RALGAPA2: variants seen among roughly 807,000 people sequenced by gnomAD.
The protein encoded by RALGAPA2 is ral GTPase-activating protein subunit alpha-2.
Under a neutral mutation model 230.4 loss-of-function variants are expected in RALGAPA2, and 139 were observed. That is an observed-to-expected ratio of 0.60 (90% confidence interval 0.53 to 0.69). The LOEUF is 0.69. Among genes scored for constraint, RALGAPA2 ranks in the 30% least tolerant of loss-of-function variants. RALGAPA2 has a pLI of 0.00. For missense variants in RALGAPA2, 2,163 were observed against 2,276.0 expected, an observed-to-expected ratio of 0.95 and a Z score of 1.01; for synonymous variants, 847 against 837.8, an observed-to-expected ratio of 1.01 and a Z score of -0.19.
chr20:20,559,480 C>T (rs2064188984), intron 23 of RALGAPA2, among the ~76,000 whole-genome samples: 1 of 152,170 alleles, frequency 6.6e-6, no homozygotes, highest in Non-Finnish European at 1.5e-5. Flanking sequence ...CGACACTACA[C>T]CTGTCCTGCC....
At chr20:20,476,542 A>G (rs1356625336) in intron 36 of RALGAPA2, among the ~76,000 whole-genome samples, 2 of 151,976 alleles carry the variant, frequency 1.3e-5, no homozygotes, top group Admixed American at 6.6e-5. Context: ...CATATCACAC[A>G]CAAAAATTGA....
chr20:20,699,332 A>G (rs994648476), intron 1 of RALGAPA2, among the ~76,000 whole-genome samples: 1 of 152,232 alleles, frequency 6.6e-6, no homozygotes, highest in Non-Finnish European at 1.5e-5. Context: ...AGACACAGAC[A>G]CATGTTGAGA....
At chr20:20,448,728 C>A (rs1430033135) in intron 37 of RALGAPA2, among the ~76,000 whole-genome samples, 2 of 151,848 alleles carry the variant, frequency 1.3e-5, no homozygotes, top group East Asian at 3.9e-4. Context: ...CTCAAAGTAA[C>A]AAATATATTT....
In RALGAPA2 at chr20:20,635,430, AG is replaced by A; in HGVS notation, c.992del (p.Pro331LeufsTer75). ...ATGGATGGCATACCTGGATGATTTT[AG>A]GCAATACATCAACTCCATTTTTAGT... ...QNTKNGVDVL[P>X]KIIQTVGGGA... is the part of the protein sequence containing the mutation. On this transcript the variant is annotated frameshift_variant, in exon 9 of 40. Coordinates refer to ENST00000202677, the MANE Select transcript of RALGAPA2 (RefSeq NM_020343.4). LOFTEE classifies it high-confidence loss of function. The A allele has an allele frequency of 6.3e-7, 1 of 1,598,028 alleles. No homozygotes were observed. Among genetic ancestry groups the A allele is most frequent in the Non-Finnish European group, 8.5e-7 (1 of 1,173,832 alleles).
rs978504791 is a variant in RALGAPA2, at chr20:20,520,824, C to A, written c.4084+93G>T. 26 of 1,123,338 alleles carry A rather than the reference C, an allele frequency of 2.3e-5. No individual in the cohort carries two copies. The African/African-American group carries it at 3.3e-4, about 14-fold the overall frequency. 69.6% of individuals were successfully genotyped at this position (1,123,338 alleles called of 1,614,324 possible). On this transcript the variant is annotated intron_variant, in intron 31 of 39. Transcript: ENST00000202677. The stretch of plus-strand genomic sequence containing the variant: ...CCAGGAACTAGGATTTCAACTTCAA[C>A]AACTAGATTAAAAAAAAATAGAGCA...
rs759302632 is a variant in RALGAPA2, at chr20:20,520,906, A to C, written c.4084+11T>G. 50 of 1,568,290 alleles carry C rather than the reference A, an allele frequency of 3.2e-5. No individual in the cohort carries two copies. Among genetic ancestry groups the C allele is most frequent in the African/African-American group, 4.1e-5 (3 of 73,952 alleles). On this transcript the variant is annotated intron_variant, in intron 31 of 39. Coordinates refer to ENST00000202677, the MANE Select transcript of RALGAPA2 (RefSeq NM_020343.4). Reference sequence around the variant, plus strand: ...CTTCCCACAAGATTTCATACCTGAAAGAATACTCACCCTCTTCAACAGTCA... The same window carrying C: ...CTTCCCACAAGATTTCATACCTGAACGAATACTCACCCTCTTCAACAGTCA...
At chr20:20,636,666 C>T (rs963759144) in intron 8 of RALGAPA2, among the ~76,000 whole-genome samples, 3 of 152,090 alleles carry the variant, frequency 2.0e-5, no homozygotes, top group African/African-American at 7.2e-5. Flanking sequence ...CGTGTCACCA[C>T]TTCCCCTCCA....
At chr20:20,458,952 T>C (rs951837211) in intron 37 of RALGAPA2, among the ~76,000 whole-genome samples, 9 of 150,000 alleles carry the variant, frequency 6.0e-5, no homozygotes, top group Admixed American at 5.3e-4. Context: ...GGAAATTTCC[T>C]TCCAAATGTC....
In RALGAPA2 at chr20:20,536,672, C is replaced by T. The variant is rs761469010; in HGVS notation, c.3398G>A (p.Gly1133Glu). Reference sequence around the variant, plus strand: ...GTTATGTACCTTGACATCTTCAGTTCCTGTAATGGCCTCATTTACTTCTGG... The same window carrying T: ...GTTATGTACCTTGACATCTTCAGTTTCTGTAATGGCCTCATTTACTTCTGG... ...SVPEVNEAITGTEDVKHYLIN... is the reference protein window; with the variant it reads ...SVPEVNEAITETEDVKHYLIN... Residue 1133 changes from glycine (G) to glutamate (E), a missense_variant, in exon 25 of 40, where the codon GGA (glycine) becomes GAA (glutamate). Physicochemically the swap from Gly to Glu is moderately conservative, Grantham distance 98. Transcript: ENST00000202677. 5 of 1,612,484 alleles carry T rather than the reference C, an allele frequency of 3.1e-6. No individual in the cohort carries two copies. The African/African-American group carries it at 6.7e-5, about 22-fold the overall frequency.
At chr20:20,656,121 T>C (rs2067582929) in intron 3 of RALGAPA2, among the ~76,000 whole-genome samples, 1 of 152,162 alleles carries the variant, frequency 6.6e-6, no homozygotes, top group Non-Finnish European at 1.5e-5. Context: ...ATGAGAGCTC[T>C]CTTTTGAGAG....
chr20:20,559,277 G>A lies in RALGAPA2; in HGVS notation c.3156+12181C>T, dbSNP rs529618512. Among the ~76,000 whole-genome samples the A allele has an allele frequency of 1.2e-3, 185 of 152,304 alleles. 1 individual carries two copies. The highest frequency in any genetic ancestry group is 2.2e-3 in the Non-Finnish European group (148 of 68,038). On this transcript the variant is annotated intron_variant, in intron 23 of 39. Transcript: ENST00000202677. ...GGACTCTACCGACCAACCCTCTAAT[G>A]TGGGTGGAGGCCTGGATGAATTAGA... is the stretch of plus-strand genomic sequence containing the variant.
At chr20:20,426,019 A>C (rs2060375979) in intron 37 of RALGAPA2, among the ~76,000 whole-genome samples, 1 of 152,202 alleles carries the variant, frequency 6.6e-6, no homozygotes, top group Non-Finnish European at 1.5e-5. Flanking sequence ...CAGCACTCTG[A>C]AGAGCTGCTC....
chr20:20,710,677 T>C (rs562917799), intron 1 of RALGAPA2, among the ~76,000 whole-genome samples: 2 of 152,316 alleles, frequency 1.3e-5, no homozygotes, highest in Admixed American at 1.3e-4. Flanking sequence ...AGAGTGAAAC[T>C]ACAATTTTAC....
At chr20:20,620,234 C>T (rs1051343336) in intron 11 of RALGAPA2, among the ~76,000 whole-genome samples, 9 of 152,150 alleles carry the variant, frequency 5.9e-5, no homozygotes, top group Non-Finnish European at 1.0e-4. Flanking sequence ...AGATGCAACA[C>T]GCAGATGGCC....
intron 3 of RALGAPA2, among the ~76,000 whole-genome samples, chr20:20,657,914 A>C (rs1016992768): frequency 2.0e-5 from 3 of 152,238 alleles, no homozygotes; most frequent in African/African-American, 7.2e-5. Context: ...TTGGCAGTGA[A>C]AATCATGCTT....
At chr20:20,409,942 T>C (rs1569370783) in intron 38 of RALGAPA2, among the ~76,000 whole-genome samples, 1 of 152,232 alleles carries the variant, frequency 6.6e-6, no homozygotes, top group Non-Finnish European at 1.5e-5. Flanking sequence ...CGTATAAAAA[T>C]GTTTCCCACT....
At chr20:20,669,539 A>G (rs1271471681) in intron 3 of RALGAPA2, among the ~76,000 whole-genome samples, 1 of 152,210 alleles carries the variant, frequency 6.6e-6, no homozygotes, top group African/African-American at 2.4e-5. Context: ...CTGGACAACC[A>G]GGAGCTACCC....
rs763790180 is a variant in RALGAPA2 at position 20,619,306 on chromosome 20, C to T, written c.1510G>A (p.Val504Met). The T allele has an allele frequency of 4.3e-6, 7 of 1,610,154 alleles. No individual in the cohort carries two copies. The highest frequency in any genetic ancestry group is 5.9e-6 in the Non-Finnish European group (7 of 1,177,532). The change falls in exon 12 of 40, where the codon GTG becomes ATG. Residue 504 changes from valine (V) to methionine (M), a missense_variant. Coordinates refer to ENST00000202677, the MANE Select transcript of RALGAPA2 (RefSeq NM_020343.4). ...AACAAAGCCTGGACGCCGGCTTTCA[C>T]ATTTGTATTTTCCTCCTCTGTCACA... ...GCVTEEENTN[V>M]KAGVQALLQV...
At chr20:20,577,912 G>A (rs140074216) in intron 20 of RALGAPA2, among the ~76,000 whole-genome samples, 1 of 152,150 alleles carries the variant, frequency 6.6e-6, no homozygotes, top group Non-Finnish European at 1.5e-5. Flanking sequence ...AATCACACTG[G>A]AGATTTGCTT....
Sources: gnomAD v4.1 joint callset for allele counts (sites outside exome capture counted in the v4.1 genomes callset) on GRCh38, gnomAD v4.1.1 for gene constraint, MANE v1.5 for transcripts, NCBI Gene and HGNC (gene_info 2026-07-23, HGNC 2026-07-21) for gene names.